The following TMEM196 variants were observed in gnomAD, a reference collection of about 807,000 sequenced individuals.
TMEM196 encodes transmembrane protein 196.
TMEM196 carries 17 observed loss-of-function variants against 20.0 expected under a neutral mutation model. That is an observed-to-expected ratio of 0.85 (90% confidence interval 0.58 to 1.27). TMEM196 has a LOEUF of 1.27. TMEM196 is among the 50% of genes most tolerant of loss of function. The probability of loss-of-function intolerance (pLI) is 0.00; values close to 1 mark genes in which losing one functional copy is unlikely to be tolerated. For synonymous variants in TMEM196, 113 were observed against 88.9 expected (o/e 1.27, Z -1.52); for missense variants, 267 against 223.0 (o/e 1.20, Z -1.26).
chr7:19,750,552 G>C (rs1320062669), intron 1 of TMEM196, among the ~76,000 whole-genome samples: 4 of 151,898 alleles, frequency 2.6e-5, no homozygotes, highest in African/African-American at 9.7e-5. Flanking sequence ...AGTTGCTCTG[G>C]GGTTGTAAAT....
chr7:19,761,308 A>C (rs1785425839), intron 1 of TMEM196, among the ~76,000 whole-genome samples: 1 of 152,222 alleles, frequency 6.6e-6, no homozygotes, highest in Non-Finnish European at 1.5e-5. Context: ...CCTTAAGCTC[A>C]AACTAATTTC....
chr7:19,750,735 C>T (rs1377259039), intron 1 of TMEM196, among the ~76,000 whole-genome samples: 2 of 152,120 alleles, frequency 1.3e-5, no homozygotes, highest in African/African-American at 2.4e-5. Context: ...TTTTACAGAA[C>T]TCAATAAAAA....
intron 1 of TMEM196, among the ~76,000 whole-genome samples, chr7:19,754,044 G>A (rs1333462044): frequency 6.6e-6 from 1 of 152,206 alleles, no homozygotes; most frequent in Non-Finnish European, 1.5e-5. Flanking sequence ...GGATTGAGTA[G>A]GAGGTAGTGT....
At chr7:19,725,093 AC>A (rs1783945644) in intron 3 of TMEM196, among the ~76,000 whole-genome samples, 1 of 152,188 alleles carries the variant, frequency 6.6e-6, no homozygotes, top group African/African-American at 2.4e-5. Flanking sequence ...GCCCCTTTAT[AC>A]TTGAAGATCA....
At chr7:19,756,121 A>G (rs979575287) in intron 1 of TMEM196, among the ~76,000 whole-genome samples, 1 of 152,062 alleles carries the variant, frequency 6.6e-6, no homozygotes, top group Non-Finnish European at 1.5e-5. Flanking sequence ...AAAGCTATGC[A>G]ATAGAAATCT....
chr7:19,725,396 C>T (rs1783957753), intron 3 of TMEM196, 118 bp downstream of exon 3: 2 of 1,331,208 alleles, frequency 1.5e-6, no homozygotes, highest in Admixed American at 5.1e-5. Context: ...CCCAATAGAG[C>T]CAAATGTATA....
At chr7:19,767,642 T>A (rs982751252) in intron 1 of TMEM196, among the ~76,000 whole-genome samples, 4 of 152,070 alleles carry the variant, frequency 2.6e-5, no homozygotes, top group Non-Finnish European at 4.4e-5. Context: ...ATTTATAAAT[T>A]ACTTGTATAA....
At chr7:19,745,116 A>T (rs1784706032) in intron 1 of TMEM196, among the ~76,000 whole-genome samples, 1 of 152,284 alleles carries the variant, frequency 6.6e-6, no homozygotes, top group East Asian at 1.9e-4. Flanking sequence ...ACTCTTCTAT[A>T]TACTTTAAAT....
intron 1 of TMEM196, among the ~76,000 whole-genome samples, chr7:19,749,163 G>A (rs1046358953): frequency 6.6e-6 from 1 of 152,054 alleles, no homozygotes; most frequent in African/African-American, 2.4e-5. Flanking sequence ...CTTTATTTAG[G>A]CCATTGGTCT....
At chr7:19,766,545 A>T (rs1231673952) in intron 1 of TMEM196, among the ~76,000 whole-genome samples, 5 of 151,072 alleles carry the variant, frequency 3.3e-5, no homozygotes, top group African/African-American at 1.2e-4. Flanking sequence ...ATATAGGATC[A>T]TATATATTAC....
At chr7:19,755,483 T>C (rs1263839352) in intron 1 of TMEM196, among the ~76,000 whole-genome samples, 2 of 152,334 alleles carry the variant, frequency 1.3e-5, no homozygotes, top group South Asian at 2.1e-4. Flanking sequence ...GATTATACTA[T>C]ACTTGAAATC....
chr7:19,756,781 T>C (rs1390931230), intron 1 of TMEM196, among the ~76,000 whole-genome samples: 2 of 152,186 alleles, frequency 1.3e-5, no homozygotes, highest in African/African-American at 2.4e-5. Flanking sequence ...CCTGATCTTA[T>C]TCCTTTTTAT....
chr7:19,734,122 C>T (rs1437801131), intron 1 of TMEM196, among the ~76,000 whole-genome samples: 2 of 152,110 alleles, frequency 1.3e-5, no homozygotes, highest in South Asian at 2.1e-4. Context: ...CAGCCCACCA[C>T]TAGAGGAATG....
At chr7:19,758,098 A>G (rs917895568) in intron 1 of TMEM196, among the ~76,000 whole-genome samples, 1 of 152,144 alleles carries the variant, frequency 6.6e-6, no homozygotes, top group Non-Finnish European at 1.5e-5. Flanking sequence ...TGACATTTCC[A>G]GTCCAAAGTT....
intron 1 of TMEM196, among the ~76,000 whole-genome samples, chr7:19,747,817 A>G (rs772377768): frequency 6.6e-6 from 1 of 152,224 alleles, no homozygotes; most frequent in Non-Finnish European, 1.5e-5. Context: ...AATGAAGATC[A>G]GATCTTGGGT....
intron 1 of TMEM196, among the ~76,000 whole-genome samples, chr7:19,735,137 TA>T: frequency 6.6e-6 from 1 of 152,226 alleles, no homozygotes; most frequent in Non-Finnish European, 1.5e-5. Flanking sequence ...AGATATTGAT[TA>T]AAAAGTCAAA....
At position 19,729,389 on chromosome 7, in the gene TMEM196, C is replaced by T. The variant is rs1784117562; in HGVS notation, c.197G>A (p.Gly66Glu). 4 of 1,550,488 alleles carry T rather than the reference C, an allele frequency of 2.6e-6. No individual in the cohort carries two copies. Among genetic ancestry groups the T allele is most frequent in the Non-Finnish European group, 3.5e-6 (4 of 1,146,730 alleles). The part of the protein sequence containing the change: ...CGILCAKKKS[G>E]LVMILFSACC... ...AACAAATCAAACACTTACGACAAGT[C>T]CTGATTTTTTTTTGGCACACAATAT... Residue 66 changes from glycine to glutamate, a missense_variant, in exon 2 of 5, where the codon GGA (glycine) becomes GAA (glutamate). Transcript: ENST00000405844.
chr7:19,733,663 A>T (rs1353332812), intron 1 of TMEM196, among the ~76,000 whole-genome samples: 2 of 149,854 alleles, frequency 1.3e-5, no homozygotes, highest in African/African-American at 4.9e-5. Context: ...CCTTTTTTAA[A>T]AAAAAAAAAA....
At chr7:19,731,087 A>C (rs1784185485) in intron 1 of TMEM196, among the ~76,000 whole-genome samples, 1 of 152,194 alleles carries the variant, frequency 6.6e-6, no homozygotes, top group Non-Finnish European at 1.5e-5. Flanking sequence ...CCAAAGTAAT[A>C]AACCAAAGTA....
Sources: gnomAD v4.1 joint callset for allele counts (sites outside exome capture counted in the v4.1 genomes callset) on GRCh38, gnomAD v4.1.1 for gene constraint, MANE v1.5 for transcripts, NCBI Gene and HGNC (gene_info 2026-07-23, HGNC 2026-07-21) for gene names.